The following DTNA variants were observed in gnomAD, a reference collection of about 807,000 sequenced individuals.
DTNA encodes the protein dystrophin-related protein 3.
In DTNA, 43 loss-of-function variants were observed where a neutral mutation model predicts 100.7. The ratio of observed to expected loss-of-function variants is 0.43; its 90% CI spans 0.33 to 0.55. The LOEUF (loss-of-function observed/expected upper bound fraction) is 0.55. Among genes scored for constraint, DTNA ranks in the 20% least tolerant of loss-of-function variants. The probability of loss-of-function intolerance (pLI) is 0.04; values close to 1 mark genes in which losing one functional copy is unlikely to be tolerated. For synonymous variants in DTNA, 349 were observed against 347.9 expected (o/e 1.00, Z -0.04); for missense variants, 798 against 953.9 (o/e 0.84, Z 2.15).
At chr18:34,547,444 A>G (rs539396565) in intron 1 of DTNA, among the ~76,000 whole-genome samples, 154 of 152,118 alleles carry the variant, frequency 1.0e-3, no homozygotes, top group African/African-American at 3.5e-3. Flanking sequence ...GAATTACTCT[A>G]TTGTATGTGT....
intron 1 of DTNA, among the ~76,000 whole-genome samples, chr18:34,559,202 A>G (rs2046406367): frequency 6.6e-6 from 1 of 152,256 alleles, no homozygotes; most frequent in Non-Finnish European, 1.5e-5. Flanking sequence ...CATATTATAA[A>G]AAAGTAATTA....
intron 13 of DTNA, among the ~76,000 whole-genome samples, chr18:34,841,191 T>G (rs2096261792): frequency 6.6e-6 from 1 of 152,086 alleles, no homozygotes; most frequent in South Asian, 2.1e-4. Context: ...CTATAAAAAG[T>G]GGGGCAGAGA....
At chr18:34,525,055 A>C (rs2042483957) in intron 1 of DTNA, among the ~76,000 whole-genome samples, 1 of 152,148 alleles carries the variant, frequency 6.6e-6, no homozygotes, top group Non-Finnish European at 1.5e-5. Flanking sequence ...AAATCAGACA[A>C]ATTTTTGAAA....
intron 1 of DTNA, among the ~76,000 whole-genome samples, chr18:34,526,628 C>T (rs1007391930): frequency 6.6e-6 from 1 of 151,990 alleles, no homozygotes; most frequent in Non-Finnish European, 1.5e-5. Context: ...CTTATTCTAA[C>T]AGGAATATGT....
chr18:34,539,255 T>G (rs1435449415), intron 1 of DTNA, among the ~76,000 whole-genome samples: 1 of 150,636 alleles, frequency 6.6e-6, no homozygotes, highest in Non-Finnish European at 1.5e-5. Flanking sequence ...AGGATTCCAT[T>G]CAAAAAAAAA....
chr18:34,877,782 C>T lies in DTNA; in HGVS notation c.1967C>T (p.Ser656Phe). The change falls in exon 19 of 23, where the codon TCC (serine) becomes TTC (phenylalanine). Residue 656 changes from serine (S) to phenylalanine (F), a missense_variant. Ser to Phe is a radical substitution (Grantham distance 155, BLOSUM62 -2). Around this residue, in one of 6 missense-constraint regions of DTNA, gnomAD observed 242 missense variants for 238.2 expected, o/e 1.02. Transcript: ENST00000444659. ...VAADSITNTM[S>F]SLVKELNSEV... ...GCAGATTCCATCACTAACACTATGT[C>T]CTCTCTTGTGAAAGAGCTGAATTCT... The T allele has an allele frequency of 6.2e-7, 1 of 1,613,896 alleles. No individual in the cohort carries two copies.
intron 13 of DTNA, among the ~76,000 whole-genome samples, chr18:34,845,166 A>G (rs938173646): frequency 6.6e-6 from 1 of 152,170 alleles, no homozygotes; most frequent in African/African-American, 2.4e-5. Flanking sequence ...AGAGGAATTT[A>G]TCAGAAGAAT....
intron 1 of DTNA, among the ~76,000 whole-genome samples, chr18:34,739,627 G>T (rs967016171): frequency 2.0e-5 from 3 of 152,112 alleles, no homozygotes; most frequent in Non-Finnish European, 4.4e-5. Flanking sequence ...TTCATGATAG[G>T]CATTCTAAAG....
chr18:34,727,706 A>C (rs1274713440), intron 1 of DTNA, among the ~76,000 whole-genome samples: 2 of 152,120 alleles, frequency 1.3e-5, no homozygotes, highest in African/African-American at 4.8e-5. Flanking sequence ...TTGGGATTAC[A>C]GGAAAGTGCC....
chr18:34,515,563 C>T (rs767292321), intron 1 of DTNA, among the ~76,000 whole-genome samples: 7 of 152,002 alleles, frequency 4.6e-5, no homozygotes, highest in African/African-American at 9.7e-5. Context: ...GCATCCTGAT[C>T]GCTGTAATAA....
At chr18:34,877,151 C>G (rs558723541) in intron 18 of DTNA, among the ~76,000 whole-genome samples, 57 of 152,326 alleles carry the variant, frequency 3.7e-4, no homozygotes, top group African/African-American at 1.3e-3. Flanking sequence ...CTTTCTCACG[C>G]TCTGGGGGCA....
chr18:34,584,763 A>G (rs771338711), intron 1 of DTNA, among the ~76,000 whole-genome samples: 1 of 152,194 alleles, frequency 6.6e-6, no homozygotes, highest in Non-Finnish European at 1.5e-5. Context: ...GTTATGAGAC[A>G]ATAGAACACC....
At chr18:34,570,289 A>G (rs1373405931) in intron 1 of DTNA, among the ~76,000 whole-genome samples, 1 of 152,222 alleles carries the variant, frequency 6.6e-6, no homozygotes. Flanking sequence ...AATAAAAGTG[A>G]TGGATAAATG....
intron 2 of DTNA, among the ~76,000 whole-genome samples, chr18:34,761,880 A>G (rs956423976): frequency 1.3e-5 from 2 of 152,246 alleles, no homozygotes; most frequent in Admixed American, 1.3e-4. Flanking sequence ...ATTATATTCC[A>G]GTGATATAAT....
intron 1 of DTNA, among the ~76,000 whole-genome samples, chr18:34,596,620 TACC>T: frequency 6.6e-6 from 1 of 152,352 alleles, no homozygotes. Flanking sequence ...TCATTACTGT[TACC>T]AGAAATGGAA....
At chr18:34,798,612 T>C (rs2095085802) in intron 4 of DTNA, among the ~76,000 whole-genome samples, 1 of 152,240 alleles carries the variant, frequency 6.6e-6, no homozygotes, top group Non-Finnish European at 1.5e-5. Context: ...TATGTGACTC[T>C]AGCCTTGTTT....
intron 4 of DTNA, among the ~76,000 whole-genome samples, chr18:34,799,912 G>A (rs1318611945): frequency 2.6e-5 from 4 of 152,088 alleles, no homozygotes; most frequent in Admixed American, 1.3e-4. Flanking sequence ...CTGCCCCGGC[G>A]CTATAAGGAG....
At chr18:34,727,415 C>G (rs2086960326) in intron 1 of DTNA, among the ~76,000 whole-genome samples, 1 of 151,858 alleles carries the variant, frequency 6.6e-6, no homozygotes, top group South Asian at 2.1e-4. Flanking sequence ...GATACTGATC[C>G]CAGTATTATA....
rs536453194 is a variant in DTNA, at chr18:34,535,531, A to G, written c.-2+42017A>G. Among the ~76,000 whole-genome samples the G allele has an allele frequency of 5.9e-5, 9 of 151,808 alleles. No individual in the cohort carries two copies. In the South Asian group the frequency reaches 1.9e-3, roughly 32 times the overall value. ...ATTTGTCAAATATGGCTTTTGTTGCAATTGCTTTTGGTGTTTTAGTTATTA... is the reference window on the plus strand; with the variant it reads ...ATTTGTCAAATATGGCTTTTGTTGCGATTGCTTTTGGTGTTTTAGTTATTA... On this transcript the variant is annotated intron_variant, in intron 1 of 19. Coordinates refer to the DTNA transcript ENST00000283365.
Sources: gnomAD v4.1 joint callset for allele counts (sites outside exome capture counted in the v4.1 genomes callset) on GRCh38, gnomAD v4.1.1 for gene constraint, gnomAD v4.1.1 regional missense constraint, MANE v1.5 for transcripts, NCBI Gene and HGNC (gene_info 2026-07-23, HGNC 2026-07-21) for gene names.